Variants in KLHL25 observed in about 807,000 individuals in gnomAD.
The protein encoded by KLHL25 is kelch-like protein 25.
A neutral mutation model predicts 30.0 loss-of-function variants in KLHL25; 41 were observed. That is an observed-to-expected ratio of 1.37 (90% CI 1.07 to 1.78). The LOEUF is 1.78. Ranked by LOEUF, KLHL25 falls within the 40% of genes most tolerant of loss-of-function variation. The probability of loss-of-function intolerance (pLI) is 0.00; values close to 1 mark genes in which losing one functional copy is unlikely to be tolerated. For synonymous variants in KLHL25, 399 were observed against 355.3 expected (o/e 1.12, Z -1.38); for missense variants, 971 against 824.5 (o/e 1.18, Z -2.18).
At chr15:85,765,911 C>A (rs1464106586) in intron 2 of KLHL25, among the ~76,000 whole-genome samples, 2 of 151,850 alleles carry the variant, frequency 1.3e-5, no homozygotes, top group Non-Finnish European at 2.9e-5. Context: ...CCTCTGTGAG[C>A]CCAAACACCC....
intron 1 of KLHL25, among the ~76,000 whole-genome samples, chr15:85,775,720 C>T (rs1567240831): frequency 6.6e-6 from 1 of 152,080 alleles, no homozygotes; most frequent in African/African-American, 2.4e-5. Flanking sequence ...GCTCTCCTGT[C>T]CCCTCCTGAG....
chr15:85,767,951 A>G (rs1185483955), intron 2 of KLHL25, 66 bp downstream of exon 2: 3 of 1,026,372 alleles, frequency 2.9e-6, no homozygotes, highest in Non-Finnish European at 4.2e-6. Context: ...CAGTGGGAAG[A>G]GGTGGGACTG....
intron 1 of KLHL25, among the ~76,000 whole-genome samples, chr15:85,788,865 G>C (rs1453130644): frequency 6.6e-6 from 1 of 152,208 alleles, no homozygotes; most frequent in East Asian, 1.9e-4. Flanking sequence ...GGTCTCACAA[G>C]CCCAGCTGGC....
At chr15:85,793,684 T>C (rs2089831512) in intron 1 of KLHL25, among the ~76,000 whole-genome samples, 1 of 152,182 alleles carries the variant, frequency 6.6e-6, no homozygotes, top group Non-Finnish European at 1.5e-5. Context: ...CCTCTCCTGG[T>C]GCTACTGCTA....
chr15:85,768,269 C>A lies in KLHL25; in HGVS notation c.1542G>T (p.Glu514Asp). 1.9e-6 allele frequency: 3 copies of A among 1,614,156 alleles called. No homozygotes were observed. Among genetic ancestry groups the A allele is most frequent in the Non-Finnish European group, 2.5e-6 (3 of 1,180,028 alleles). The change falls in exon 2 of 3, where the codon GAG becomes GAT. Residue 514 changes from glutamate (E) to aspartate (D), a missense_variant. Transcript: ENST00000337975. ...TAASAYRFDCETNQWTRIGDM... is the reference protein window; with the variant it reads ...TAASAYRFDCDTNQWTRIGDM... The stretch of plus-strand genomic sequence containing the variant: ...CCCCAATCCGCGTCCACTGGTTGGT[C>A]TCACAGTCAAAGCGGTAGGCCGAGG...
At chr15:85,779,690 C>T (rs1410822856) in intron 1 of KLHL25, among the ~76,000 whole-genome samples, 1 of 152,190 alleles carries the variant, frequency 6.6e-6, no homozygotes, top group Non-Finnish European at 1.5e-5. Context: ...TTTTCCTATT[C>T]TGCCCTCACT....
rs1380852524 is a variant in KLHL25 at position 85,769,420 on chromosome 15, C to T, written c.391G>A (p.Asp131Asn). ...AACTCGGCGGCAGCATCCCGCACAT[C>T]GTGGAACTGCAGCATGTCGCCTGCC... ...LEAGDMLQFH[D>N]VRDAAAEFLE... Residue 131 changes from aspartate (D) to asparagine (N), a missense_variant, in exon 2 of 3, where the codon GAT becomes AAT. Physicochemically the swap from Asp to Asn is conservative, Grantham distance 23. Coordinates refer to ENST00000337975, the MANE Select transcript of KLHL25 (RefSeq NM_022480.4). The T allele has an allele frequency of 5.6e-6, 9 of 1,613,998 alleles. No individual in the cohort carries two copies. Among genetic ancestry groups the T allele is most frequent in the South Asian group, 4.4e-5 (4 of 91,090 alleles).
chr15:85,780,924 G>A (rs771637252), intron 1 of KLHL25, among the ~76,000 whole-genome samples: 31 of 152,158 alleles, frequency 2.0e-4, no homozygotes, highest in Non-Finnish European at 3.8e-4. Flanking sequence ...GTTACACACC[G>A]CAGCATGGTT....
Position 85,768,180 on chromosome 15 carries a change from C to T in KLHL25, c.1631G>A (p.Gly544Glu). Residue 544 changes from glycine (G) to glutamate (E), a missense_variant, in exon 2 of 3, where the codon GGG becomes GAG. Gly to Glu is a moderately conservative substitution (Grantham distance 98, BLOSUM62 -2). Transcript: ENST00000337975. ...ACACCTCTGGGTCCCAAAGTAGCCC[C>T]CGACCACATAGAGCTTGTTGCCGGA... ...LASGNKLYVVGGYFGTQRCKT... is the reference protein window; with the variant it reads ...LASGNKLYVVEGYFGTQRCKT... The T allele has an allele frequency of 6.2e-7, 1 of 1,614,230 alleles. No homozygotes were observed. Among genetic ancestry groups the T allele is most frequent in the Admixed American group, 1.7e-5 (1 of 60,026 alleles).
intron 1 of KLHL25, among the ~76,000 whole-genome samples, chr15:85,794,023 C>T (rs2089834443): frequency 1.3e-5 from 2 of 152,214 alleles, no homozygotes; most frequent in African/African-American, 4.8e-5. Flanking sequence ...AAGAGAAAAG[C>T]TTCTAAAGCA....
At position 85,770,500 on chromosome 15, in the gene KLHL25, G is replaced by A. The variant is rs201382503; in HGVS notation, c.-10-680C>T. 210 of 534,172 alleles carry A rather than the reference G, an allele frequency of 3.9e-4. 3 individuals are homozygous for A. Among genetic ancestry groups the A allele is most frequent in the South Asian group, 6.2e-4 (44 of 71,366 alleles). The allele number at this position is 534,172 out of a possible 1,614,324, so 33.1% of individuals were successfully genotyped here. A position where few individuals can be genotyped will look rare whatever the true frequency, so the allele number is the denominator to read the frequency against. On this transcript the variant is annotated intron_variant, in intron 1 of 2. Coordinates refer to ENST00000337975, the MANE Select transcript of KLHL25 (RefSeq NM_022480.4). ...TCCCCCTTGCCTTGGAACAAGAGCC[G>A]CCATCAAGGCCCAAGTGCTCAGTGG...
chr15:85,784,613 A>C (rs1263172427), intron 1 of KLHL25, among the ~76,000 whole-genome samples: 1 of 152,216 alleles, frequency 6.6e-6, no homozygotes, highest in Non-Finnish European at 1.5e-5. Context: ...TCAAAGCAAG[A>C]AAGGATGTGA....
rs1350328330 is a variant in KLHL25 at position 85,789,729 on chromosome 15, G to A, written c.-11+5037C>T. 6.6e-6 allele frequency among the ~76,000 whole-genome samples: 1 copy of A among 152,072 alleles called. No homozygotes were observed. The highest frequency in any genetic ancestry group is 1.5e-5 in the Non-Finnish European group (1 of 68,022). On this transcript the variant is annotated intron_variant, in intron 1 of 2. Transcript: ENST00000337975. This position sits in a 1 kb window ranked among gnomAD's most constrained non-coding sequence, Gnocchi z 4.1. ...CTCCCTGCCCACGACCAGTCAGAGC[G>A]ATGGCCCTGAGAAATGAGTAACCCA...
chr15:85,765,143 T>A (rs980942169), intron 2 of KLHL25, among the ~76,000 whole-genome samples: 1 of 152,108 alleles, frequency 6.6e-6, no homozygotes, highest in African/African-American at 2.4e-5. Context: ...CCCCTCACAC[T>A]GCCCAGCCCG....
At chr15:85,778,895 T>C (rs956789401) in intron 1 of KLHL25, among the ~76,000 whole-genome samples, 3 of 152,078 alleles carry the variant, frequency 2.0e-5, no homozygotes, top group Non-Finnish European at 4.4e-5. Context: ...CCCACTTCTC[T>C]CCTATGGGTC....
chr15:85,787,616 G>C (rs2089788923), intron 1 of KLHL25, among the ~76,000 whole-genome samples: 1 of 152,174 alleles, frequency 6.6e-6, no homozygotes, highest in South Asian at 2.1e-4. Context: ...AGATTTCATT[G>C]ATCATACAGG....
At chr15:85,779,908 G>C (rs1203201955) in intron 1 of KLHL25, among the ~76,000 whole-genome samples, 4 of 152,314 alleles carry the variant, frequency 2.6e-5, no homozygotes, top group South Asian at 4.1e-4. Flanking sequence ...TTTTGCTTCT[G>C]TTGGTTCACT....
intron 1 of KLHL25, among the ~76,000 whole-genome samples, chr15:85,794,354 AAGGCGCGGG>A (rs2089837378): frequency 6.6e-6 from 1 of 152,202 alleles, no homozygotes; most frequent in Non-Finnish European, 1.5e-5. Context: ...CTGGGCGTCC[AAGGCGCGGG>A]GCATCGCCGC....
intron 1 of KLHL25, among the ~76,000 whole-genome samples, chr15:85,786,542 A>T (rs2089782583): frequency 6.6e-6 from 1 of 152,220 alleles, no homozygotes; most frequent in Non-Finnish European, 1.5e-5. Context: ...TGGACCAGCT[A>T]CGGAACTCTC....
Sources: gnomAD v4.1 joint callset for allele counts (sites outside exome capture counted in the v4.1 genomes callset) on GRCh38, gnomAD v4.1.1 for gene constraint, Gnocchi (gnomAD v3.1) non-coding constraint, MANE v1.5 for transcripts, NCBI Gene and HGNC (gene_info 2026-07-23, HGNC 2026-07-21) for gene names.